Variants in PCYOX1L observed in about 807,000 individuals in gnomAD.
The protein encoded by PCYOX1L is prenylcysteine oxidase 1 like.
In PCYOX1L, 40 loss-of-function variants were observed where a neutral mutation model predicts 44.1. That is an observed-to-expected ratio of 0.91 (90% CI 0.70 to 1.18). The LOEUF is 1.18. Ranked by LOEUF, PCYOX1L falls within the 50% of genes most tolerant of loss-of-function variation. The pLI, the probability that PCYOX1L is intolerant of heterozygous loss-of-function variation, is 0.00. For missense variants in PCYOX1L, 605 were observed against 653.3 expected, an observed-to-expected ratio of 0.93 and a Z score of 0.81; for synonymous variants, 266 against 282.8, an observed-to-expected ratio of 0.94 and a Z score of 0.60.
At chr5:149,363,956 C>T in intron 2 of PCYOX1L, 80 bp from the exon 3 acceptor site, 3 of 1,507,116 alleles carry the variant, frequency 2.0e-6, no homozygotes, top group Non-Finnish European at 2.7e-6. Context: ...TTTGTGTTTC[C>T]TTTAATGGAC....
At chr5:149,366,236 C>G in intron 4 of PCYOX1L, 83 bp downstream of exon 4, 2 of 1,410,246 alleles carry the variant, frequency 1.4e-6, no homozygotes, top group Non-Finnish European at 1.9e-6. Flanking sequence ...CCATAATAAC[C>G]TCACTTTTAT....
chr5:149,366,816 C>G (rs1758226170), intron 4 of PCYOX1L, among the ~76,000 whole-genome samples: 1 of 152,226 alleles, frequency 6.6e-6, no homozygotes, highest in African/African-American at 2.4e-5. Flanking sequence ...TCAGTGTCCC[C>G]TCAGTGTTCC....
rs1427763864 is a variant in PCYOX1L, at chr5:149,364,306, G to A, written c.470+96G>A. 5 of 1,459,676 alleles carry A rather than the reference G, an allele frequency of 3.4e-6. No homozygotes were observed. In the East Asian group the frequency reaches 9.6e-5, roughly 28 times the overall value. The allele number at this position is 1,459,676 out of a possible 1,614,324, so 90.4% of individuals were successfully genotyped here. A position where few individuals can be genotyped will look rare whatever the true frequency, so the allele number is the denominator to read the frequency against. On this transcript the variant is annotated intron_variant, in intron 3 of 5. Transcript: ENST00000274569. ...CCTGTACTTTGTGAAAAAGGAAAAGGTCCTTGCTGAATTGAGCCAGCACAA... is the reference window on the plus strand; with the variant it reads ...CCTGTACTTTGTGAAAAAGGAAAAGATCCTTGCTGAATTGAGCCAGCACAA...
Position 149,366,053 on chromosome 5 carries a change from CCTG to C in PCYOX1L, c.587_589del (p.Leu196del). On this transcript the variant is annotated inframe_deletion, in exon 4 of 6. Coordinates refer to ENST00000274569, the MANE Select transcript of PCYOX1L (RefSeq NM_024028.4). ...TGACCCAGCACTCTGTGGCTGAGTC[CCTG>C]CTGCAGGTGGGCGTCACGCAGCGCT... 1 of 1,614,236 alleles carries C rather than the reference CCTG, an allele frequency of 6.2e-7. No homozygotes were observed. Among genetic ancestry groups the C allele is most frequent in the Non-Finnish European group, 8.5e-7 (1 of 1,180,040 alleles).
chr5:149,367,377 G>T lies in PCYOX1L; in HGVS notation c.700G>T (p.Gly234Trp). The stretch of plus-strand genomic sequence containing the variant: ...TTGCCCAGGAGCCATGTCACTAGCC[G>T]GGGCCCAAGGCAGCCTGTGGTCTGT... ...PAFAGAMSLAGAQGSLWSVEG... is the reference protein window; with the variant it reads ...PAFAGAMSLAWAQGSLWSVEG... The change falls in exon 5 of 6, where the codon GGG (glycine) becomes TGG (tryptophan). Residue 234 changes from glycine to tryptophan, a missense_variant. Physicochemically the swap from Gly to Trp is radical, Grantham distance 184. Transcript: ENST00000274569. 6.2e-7 allele frequency: 1 copy of T among 1,610,356 alleles called. No individual in the cohort carries two copies. The highest frequency in any genetic ancestry group is 8.5e-7 in the Non-Finnish European group (1 of 1,178,788).
intron 1 of PCYOX1L, chr5:149,362,424 A>G: frequency 3.6e-6 from 2 of 556,214 alleles, no homozygotes; most frequent in South Asian, 2.5e-5. Flanking sequence ...TTATGAAACG[A>G]AAGTATAGTA....
intron 2 of PCYOX1L, 25 bp from the exon 3 acceptor site, chr5:149,364,011 G>T: frequency 6.2e-7 from 1 of 1,612,134 alleles, no homozygotes. Context: ...GAGGGGACCT[G>T]AGGGGCTCCT....
In PCYOX1L at chr5:149,362,648, G is replaced by T. The variant is rs751987794; in HGVS notation, c.100G>T (p.Ala34Ser). The part of the protein sequence containing the change: ...APPGKIAVVG[A>S]GIGGSAVAHF... Reference sequence around the variant, plus strand: ...GGGCCTGCTGACAGCGGTGGTTGGGGCTGGGATTGGGGGCTCTGCTGTGGC... The same window carrying T: ...GGGCCTGCTGACAGCGGTGGTTGGGTCTGGGATTGGGGGCTCTGCTGTGGC... Residue 34 changes from alanine to serine, a missense_variant, in exon 2 of 6, where the codon GCT becomes TCT. Transcript: ENST00000274569. The T allele has an allele frequency of 2.5e-6, 4 of 1,613,986 alleles. No homozygotes were observed. In the African/African-American group the frequency reaches 5.3e-5, roughly 22 times the overall value.
chr5:149,368,125 A>G lies in PCYOX1L; in HGVS notation c.956A>G (p.His319Arg). The change falls in exon 6 of 6, where the codon CAC (histidine) becomes CGC (arginine). Residue 319 changes from histidine (H) to arginine (R), a missense_variant. Coordinates refer to ENST00000274569, the MANE Select transcript of PCYOX1L (RefSeq NM_024028.4). ...AGCAACTTAACCTTTGCAGGCTTCC[A>G]CCCGCCCATTGATGACGTGCAGGGC... ...SSSNLTFAGF[H>R]PPIDDVQGSF... 1 of 1,613,084 alleles carries G rather than the reference A, an allele frequency of 6.2e-7. No homozygotes were observed. Among genetic ancestry groups the G allele is most frequent in the South Asian group, 1.1e-5 (1 of 90,934 alleles).
chr5:149,363,084 A>G, intron 2 of PCYOX1L: 1 of 657,962 alleles, frequency 1.5e-6, no homozygotes, highest in Non-Finnish European at 2.8e-6. Flanking sequence ...TTCCCTTTCA[A>G]TTTGCTGCCT....
chr5:149,358,047 T>TGCTGCCCGCTC lies in PCYOX1L; in HGVS notation c.-19_-9dup, dbSNP rs1415886727. On this transcript the variant is annotated 5_prime_UTR_variant, in exon 1 of 6. Transcript: ENST00000274569. ...AACCCGCTAGCGCCTGAATCCGGCG[T>TGCTGCCCGCTC]GCTGCCCGCTCGCCGCCCGCCATGG... The TGCTGCCCGCTC allele has an allele frequency of 4.5e-6, 6 of 1,324,862 alleles. No homozygotes were observed. The highest frequency in any genetic ancestry group is 4.8e-6 in the Non-Finnish European group (5 of 1,042,870). The allele number at this position is 1,324,862 out of a possible 1,614,324, so 82.1% of individuals were successfully genotyped here. A position where few individuals can be genotyped will look rare whatever the true frequency, so the allele number is the denominator to read the frequency against.
At chr5:149,361,071 G>A (rs1757994284) in intron 1 of PCYOX1L, among the ~76,000 whole-genome samples, 1 of 152,208 alleles carries the variant, frequency 6.6e-6, no homozygotes, top group Non-Finnish European at 1.5e-5. Context: ...GTCCAGTTCA[G>A]TAGCTTCATA....
rs772146190 is a variant in PCYOX1L, at chr5:149,364,216, G to A, written c.470+6G>A. The A allele has an allele frequency of 6.2e-7, 1 of 1,613,758 alleles. No individual in the cohort carries two copies. Among genetic ancestry groups the A allele is most frequent in the East Asian group, 2.2e-5 (1 of 44,888 alleles). ...GTCATGGAGAAGTTCATGAGGTAGGGCTGGCAGAGCTGTGGGGATGGCGTT... is the reference window on the plus strand; with the variant it reads ...GTCATGGAGAAGTTCATGAGGTAGGACTGGCAGAGCTGTGGGGATGGCGTT... On this transcript the variant is annotated splice_donor_region_variant and intron_variant, in intron 3 of 5. Transcript: ENST00000274569.
intron 3 of PCYOX1L, 193 bp from the exon 4 acceptor site, chr5:149,365,749 C>T (rs979535556): frequency 1.8e-5 from 11 of 605,718 alleles, no homozygotes; most frequent in Admixed American, 8.8e-5. Context: ...TACCTTCACA[C>T]TCCCTTTAGG....
intron 1 of PCYOX1L, among the ~76,000 whole-genome samples, chr5:149,359,929 G>C (rs1213817178): frequency 6.6e-6 from 1 of 152,220 alleles, no homozygotes. Context: ...AGTGGCATCA[G>C]GACCCTCTAA....
rs758406868 is a variant in PCYOX1L, at chr5:149,368,183, C to T, written c.1014C>T (p.His338=). The T allele has an allele frequency of 9.3e-6, 15 of 1,613,874 alleles. No homozygotes were observed. The highest frequency in any genetic ancestry group is 3.3e-5 in the Admixed American group (2 of 59,996). ...SFQPTVVSLV[H]GYLNSSYFGF... ...AGCCCACCGTCGTCTCCTTGGTCCACGGCTACCTCAACTCGTCCTACTTCG... is the reference window on the plus strand; with the variant it reads ...AGCCCACCGTCGTCTCCTTGGTCCATGGCTACCTCAACTCGTCCTACTTCG... The change falls in exon 6 of 6, where the codon CAC becomes CAT. Residue 338 remains histidine (H), a synonymous_variant. Transcript: ENST00000274569.
At chr5:149,367,303 G>C (rs569153303) in intron 4 of PCYOX1L, 57 bp from the exon 5 acceptor site, 1 of 1,564,448 alleles carries the variant, frequency 6.4e-7, no homozygotes, top group East Asian at 2.3e-5. Flanking sequence ...GGACTCCCCA[G>C]CCCTCCTGCC....
chr5:149,368,832 C>G lies in PCYOX1L; in HGVS notation c.*178C>G. On this transcript the variant is annotated 3_prime_UTR_variant, in exon 6 of 6. Transcript: ENST00000274569. ...TTAAGGGTCCACACGGCGGCTGCTGCTTTTTTTTAAGGGGGAAAGTAAGAA... is the reference window on the plus strand; with the variant it reads ...TTAAGGGTCCACACGGCGGCTGCTGGTTTTTTTTAAGGGGGAAAGTAAGAA... 1 of 463,518 alleles carries G rather than the reference C, an allele frequency of 2.2e-6. No homozygotes were observed. The highest frequency in any genetic ancestry group is 3.5e-6 in the Non-Finnish European group (1 of 282,666). 28.7% of individuals were successfully genotyped at this position (463,518 alleles called of 1,614,324 possible). A position where few individuals can be genotyped will look rare whatever the true frequency, so the allele number is the denominator to read the frequency against.
At position 149,368,801 on chromosome 5, in the gene PCYOX1L, C is replaced by T; in HGVS notation, c.*147C>T. On this transcript the variant is annotated 3_prime_UTR_variant, in exon 6 of 6. Transcript: ENST00000274569. ...GCATCTCCAGGTGACCTACTGTCTG[C>T]CTATATTAAGGGTCCACACGGCGGC... The T allele has an allele frequency of 1.3e-6, 1 of 749,824 alleles. No individual in the cohort carries two copies. The highest frequency in any genetic ancestry group is 1.9e-6 in the Non-Finnish European group (1 of 522,800). The allele number at this position is 749,824 out of a possible 1,614,324, so 46.4% of individuals were successfully genotyped here.
Sources: allele counts gnomAD v4.1 joint callset (sites outside exome capture counted in the v4.1 genomes callset), GRCh38; gene constraint gnomAD v4.1.1; transcripts MANE v1.5; gene names NCBI Gene and HGNC (gene_info 2026-07-23, HGNC 2026-07-21).